Variants in DAPK3 observed in about 807,000 individuals in gnomAD.
DAPK3 encodes death-associated protein kinase 3.
In DAPK3, 24 loss-of-function variants were observed where a neutral mutation model predicts 30.6. That is an observed-to-expected ratio of 0.78 (90% CI 0.57 to 1.10). DAPK3 has a LOEUF of 1.10. Ranked by LOEUF, DAPK3 falls within the 50% of genes least tolerant of loss-of-function variation. The pLI is 0.00. For synonymous variants in DAPK3, 341 were observed against 284.0 expected, an observed-to-expected ratio of 1.20 and a Z score of -2.02; for missense variants, 629 against 657.3, an observed-to-expected ratio of 0.96 and a Z score of 0.47.
intron 2 of DAPK3, among the ~76,000 whole-genome samples, chr19:3,965,587 C>T (rs1599181388): frequency 1.3e-5 from 2 of 152,200 alleles, no homozygotes; most frequent in African/African-American, 2.4e-5. Context: ...CACTGTACTC[C>T]AGCCTGGGCA....
Position 3,960,044 on chromosome 19 carries a change from C to G in DAPK3, c.828+15G>C. On this transcript the variant is annotated intron_variant, in intron 8 of 8. Coordinates refer to ENST00000545797, the MANE Select transcript of DAPK3 (RefSeq NM_001348.3). ...AGGCGGGAAGCCCAGGGAGCTCCCC[C>G]ACCTCCCCACTTACCTTAATCCAGG... 2 of 1,448,580 alleles carry G rather than the reference C, an allele frequency of 1.4e-6. No individual in the cohort carries two copies. The highest frequency in any genetic ancestry group is 9.7e-7 in the Non-Finnish European group (1 of 1,029,992). 89.7% of individuals were successfully genotyped at this position (1,448,580 alleles called of 1,614,324 possible).
intron 7 of DAPK3, among the ~76,000 whole-genome samples, chr19:3,960,323 CGA>C (rs1476001297): frequency 6.6e-6 from 1 of 152,064 alleles, no homozygotes; most frequent in Admixed American, 6.6e-5. Flanking sequence ...CCCAGGCGCC[CGA>C]GAGAGGGACT....
At chr19:3,969,934 A>C in intron 1 of DAPK3, 105 bp from the exon 2 acceptor site, 1 of 566,938 alleles carries the variant, frequency 1.8e-6, no homozygotes, top group Non-Finnish European at 3.1e-6. Flanking sequence ...CCACCTCTCC[A>C]CTCTGAAGCT....
At chr19:3,960,510 C>T (rs974759657) in intron 7 of DAPK3, among the ~76,000 whole-genome samples, 3 of 152,120 alleles carry the variant, frequency 2.0e-5, no homozygotes, top group Non-Finnish European at 2.9e-5. Context: ...CGGTGTCTCA[C>T]GCCCGCAATC....
At position 3,961,066 on chromosome 19, in the gene DAPK3, C is replaced by T. The variant is rs2039505728; in HGVS notation, c.725G>A (p.Ser242Asn). 6.2e-7 allele frequency: 1 copy of T among 1,613,924 alleles called. No individual in the cohort carries two copies. The highest frequency in any genetic ancestry group is 8.5e-7 in the Non-Finnish European group (1 of 1,179,986). ...VNYDFDEEYF[S>N]NTSELAKDFI... Reference sequence around the variant, plus strand: ...GTCCTTGGCCAGCTCGCTGGTGTTGCTGAAGTACTCCTCGTCGAAGTCGTA... The same window carrying T: ...GTCCTTGGCCAGCTCGCTGGTGTTGTTGAAGTACTCCTCGTCGAAGTCGTA... The change falls in exon 7 of 9, where the codon AGC becomes AAC. Residue 242 changes from serine to asparagine, a missense_variant. This residue lies in a region of DAPK3 where 306 missense variants were observed against 378.5 expected (regional missense o/e 0.81). Coordinates refer to ENST00000545797, the MANE Select transcript of DAPK3 (RefSeq NM_001348.3).
chr19:3,969,965 T>A (rs896706823), intron 1 of DAPK3, 136 bp from the exon 2 acceptor site: 1 of 564,780 alleles, frequency 1.8e-6, no homozygotes, highest in African/African-American at 1.9e-5. Context: ...CAAAAAGAGG[T>A]GCTGTGTTTA....
At chr19:3,964,583 CA>C in intron 3 of DAPK3, 47 bp downstream of exon 3, 60 of 1,530,720 alleles carry the variant, frequency 3.9e-5, no homozygotes, top group Non-Finnish European at 5.0e-5. Context: ...GCCCCATCCC[CA>C]CCCCCACACT....
In DAPK3 at chr19:3,964,331, G is replaced by C. The variant is rs747408963; in HGVS notation, c.466C>G (p.Arg156Gly). 2 of 1,613,116 alleles carry C rather than the reference G, an allele frequency of 1.2e-6. No homozygotes were observed. The highest frequency in any genetic ancestry group is 1.7e-5 in the Admixed American group (1 of 60,020). Residue 156 changes from arginine (R) to glycine (G), a missense_variant, in exon 4 of 9, where the codon CGA becomes GGA. Around this residue, in one of 2 missense-constraint regions of DAPK3, gnomAD observed 306 missense variants for 378.5 expected, o/e 0.81. Transcript: ENST00000545797. Reference sequence around the variant, plus strand: ...ATGCCGAAGTCGATGAGCTTGATTCGTGGGTTGGGCACGTTCTTGTCCAGC... The same window carrying C: ...ATGCCGAAGTCGATGAGCTTGATTCCTGGGTTGGGCACGTTCTTGTCCAGC... Reference protein sequence around the residue: ...MLLDKNVPNPRIKLIDFGIAH... With the variant: ...MLLDKNVPNPGIKLIDFGIAH...
At chr19:3,963,199 G>C (rs1296395334) in intron 6 of DAPK3, among the ~76,000 whole-genome samples, 1 of 152,064 alleles carries the variant, frequency 6.6e-6, no homozygotes, top group Admixed American at 6.6e-5. Context: ...CTTAAGTCTG[G>C]GAGGTGGAGG....
intron 2 of DAPK3, among the ~76,000 whole-genome samples, chr19:3,966,205 A>C (rs2039575804): frequency 6.6e-6 from 1 of 152,192 alleles, no homozygotes; most frequent in East Asian, 1.9e-4. Context: ...TCCAGAGCCC[A>C]GGTGCTCTAA....
intron 2 of DAPK3, among the ~76,000 whole-genome samples, chr19:3,965,518 T>C (rs1199596011): frequency 6.6e-6 from 1 of 152,094 alleles, no homozygotes; most frequent in Admixed American, 6.5e-5. Flanking sequence ...CTTGGGAGGC[T>C]GAGGCAGGAG....
chr19:3,964,968 T>TTCCGCACGATC lies in DAPK3; in HGVS notation c.75_85dup (p.Lys29ArgfsTer32). The TTCCGCACGATC allele has an allele frequency of 1.9e-6, 3 of 1,607,674 alleles. No individual in the cohort carries two copies. Among genetic ancestry groups the TTCCGCACGATC allele is most frequent in the Non-Finnish European group, 2.6e-6 (3 of 1,176,202 alleles). ...CTTGCCCGTGCCCTTCTGCCGGCAC[T>TTCCGCACGATC]TCCGCACGATCGCAAACTGGCCGCT... On this transcript the variant is annotated frameshift_variant, in exon 3 of 9. Transcript: ENST00000545797. LOFTEE classifies it high-confidence loss of function.
chr19:3,965,196 C>T (rs1250930252), intron 2 of DAPK3, among the ~76,000 whole-genome samples: 3 of 152,204 alleles, frequency 2.0e-5, no homozygotes, highest in South Asian at 2.1e-4. Flanking sequence ...TCAGACGCGG[C>T]GTTCCCACCC....
At chr19:3,969,216 GCCT>G (rs2039610303) in intron 2 of DAPK3, among the ~76,000 whole-genome samples, 1 of 152,078 alleles carries the variant, frequency 6.6e-6, no homozygotes, top group Admixed American at 6.6e-5. Flanking sequence ...GCTCACTGCA[GCCT>G]CCTCCAACTC....
At position 3,961,009 on chromosome 19, in the gene DAPK3, T is replaced by C; in HGVS notation, c.782A>G (p.Lys261Arg). The C allele has an allele frequency of 6.2e-7, 1 of 1,613,338 alleles. No homozygotes were observed. The highest frequency in any genetic ancestry group is 1.7e-4 in the Middle Eastern group (1 of 6,054). ...CGTGCCCCCTGCCGGCCCCTCGTAC[T>C]TGGGATCTTTGACGAGCAGCCGGCG... is the stretch of plus-strand genomic sequence containing the variant. Reference protein sequence around the residue: ...FIRRLLVKDPKRRMTIAQSLE... With the variant: ...FIRRLLVKDPRRRMTIAQSLE... Residue 261 changes from lysine (K) to arginine (R), a missense_variant and splice_region_variant, in exon 7 of 9, where the codon AAG becomes AGG. Lys to Arg is a conservative substitution (Grantham distance 26). Around this residue, in one of 2 missense-constraint regions of DAPK3, gnomAD observed 306 missense variants for 378.5 expected, o/e 0.81. Transcript: ENST00000545797.
chr19:3,970,019 A>C (rs904888477), intron 1 of DAPK3, 190 bp from the exon 2 acceptor site: 2 of 429,386 alleles, frequency 4.7e-6, no homozygotes, highest in African/African-American at 2.0e-5. Context: ...CCCCATAACC[A>C]CTCAAAAGTT....
At position 3,969,775 on chromosome 19, in the gene DAPK3, A is replaced by G. The variant is rs748950787; in HGVS notation, c.-40T>C. On this transcript the variant is annotated 5_prime_UTR_variant, in exon 2 of 9. Coordinates refer to ENST00000545797, the MANE Select transcript of DAPK3 (RefSeq NM_001348.3). ...CTTCCAGCAGCTTCCACTCCAGGGA[A>G]AGTGCAGTCACCGCAGCCTGGAGAT... is the stretch of plus-strand genomic sequence containing the variant. The G allele has an allele frequency of 6.6e-7, 1 of 1,509,578 alleles. No homozygotes were observed. Among genetic ancestry groups the G allele is most frequent in the Non-Finnish European group, 9.2e-7 (1 of 1,088,180 alleles). 93.5% of individuals were successfully genotyped at this position (1,509,578 alleles called of 1,614,324 possible). A position where few individuals can be genotyped will look rare whatever the true frequency, so the allele number is the denominator to read the frequency against.
At chr19:3,962,988 G>A (rs2039534713) in intron 6 of DAPK3, among the ~76,000 whole-genome samples, 1 of 151,868 alleles carries the variant, frequency 6.6e-6, no homozygotes, top group Admixed American at 6.6e-5. Flanking sequence ...TGTAATCCCA[G>A]CTACTCAGGA....
chr19:3,969,235 C>T (rs996783713), intron 2 of DAPK3, among the ~76,000 whole-genome samples: 2 of 152,118 alleles, frequency 1.3e-5, no homozygotes, highest in African/African-American at 4.8e-5. Flanking sequence ...AACTCCTGGG[C>T]TCAAGCCATC....
Sources: gnomAD v4.1 joint callset for allele counts (sites outside exome capture counted in the v4.1 genomes callset) on GRCh38, gnomAD v4.1.1 for gene constraint, gnomAD v4.1.1 regional missense constraint, MANE v1.5 for transcripts, NCBI Gene and HGNC (gene_info 2026-07-23, HGNC 2026-07-21) for gene names.